The following OR4K2 variants were observed in gnomAD, a reference collection of about 807,000 sequenced individuals.
The protein encoded by OR4K2 is olfactory receptor 4K2.
A neutral mutation model predicts 10.5 loss-of-function variants in OR4K2; 8 were observed. The ratio of observed to expected loss-of-function variants is 0.76; its 90% CI spans 0.45 to 1.37. The LOEUF (loss-of-function observed/expected upper bound fraction) is 1.37. Among genes scored for constraint, OR4K2 ranks in the 40% most tolerant of loss-of-function variants. OR4K2 has a pLI of 0.00. For missense variants in OR4K2, 547 were observed against 379.5 expected, an observed-to-expected ratio of 1.44 and a Z score of -3.67; for synonymous variants, 178 against 133.6, an observed-to-expected ratio of 1.33 and a Z score of -2.29.
rs1365117698 is a variant in OR4K2, at chr14:19,883,326, T to C, written c.*6114T>C. On this transcript the variant is annotated 3_prime_UTR_variant, in exon 2 of 2. Coordinates refer to ENST00000641885, the MANE Select transcript of OR4K2 (RefSeq NM_001005501.2). ...AACCATTTTTGTTGGCTGAAGCTTA[T>C]TCTCTACTATATTCCTCAGGAAGTC... The C allele has an allele frequency of 6.6e-6, 1 of 152,308 alleles. No homozygotes were observed. The highest frequency in any genetic ancestry group is 1.5e-5 in the Non-Finnish European group (1 of 68,072). The allele number at this position is 152,308 out of a possible 1,614,324, so 9.4% of individuals were successfully genotyped here. A position where few individuals can be genotyped will look rare whatever the true frequency, so the allele number is the denominator to read the frequency against.
In OR4K2 at chr14:19,881,272, A is replaced by G. The variant is rs1881029860; in HGVS notation, c.*4060A>G. 1 of 152,274 alleles carries G rather than the reference A, an allele frequency of 6.6e-6. No individual in the cohort carries two copies. Among genetic ancestry groups the G allele is most frequent in the Admixed American group, 6.5e-5 (1 of 15,288 alleles). The allele number at this position is 152,274 out of a possible 1,614,324, so 9.4% of individuals were successfully genotyped here. On this transcript the variant is annotated 3_prime_UTR_variant, in exon 2 of 2. Coordinates refer to ENST00000641885, the MANE Select transcript of OR4K2 (RefSeq NM_001005501.2). ...AGATGCCAATGAAATCCGCTAAGCA[A>G]CTTGATAGTTTTTTGGTTTATAAGT...
rs779047569 is a variant in OR4K2 at position 19,877,007 on chromosome 14, T to A, written c.740T>A (p.Val247Asp). 6 of 1,613,356 alleles carry A rather than the reference T, an allele frequency of 3.7e-6. No homozygotes were observed. Among genetic ancestry groups the A allele is most frequent in the Middle Eastern group, 1.7e-4 (1 of 6,032 alleles). ...ACTTGTACAGCTCATTTCATTGTTG[T>A]CTTCTTGTTCTTTGGGCCATGCATC... ...LSTCTAHFIV[V>D]FLFFGPCIFI... Residue 247 changes from valine (V) to aspartate (D), a missense_variant, in exon 2 of 2, where the codon GTC becomes GAC. Coordinates refer to ENST00000641885, the MANE Select transcript of OR4K2 (RefSeq NM_001005501.2).
rs1330608100 is a variant in OR4K2, at chr14:19,882,820, TTTTTTTTTC to T, written c.*5617_*5625del. On this transcript the variant is annotated 3_prime_UTR_variant, in exon 2 of 2. Coordinates refer to ENST00000641885, the MANE Select transcript of OR4K2 (RefSeq NM_001005501.2). ...CTGTATAATTTATCTTTCTTTTTCT[TTTTTTTTTC>T]TTTTTTTTTTTTTTTTGAGACGGAG... 8.4e-6 allele frequency: 1 copy of T among 119,664 alleles called. No individual in the cohort carries two copies. Among genetic ancestry groups the T allele is most frequent in the African/African-American group, 3.4e-5 (1 of 29,844 alleles). The allele number at this position is 119,664 out of a possible 1,614,324, so 7.4% of individuals were successfully genotyped here. A position where few individuals can be genotyped will look rare whatever the true frequency, so the allele number is the denominator to read the frequency against.
chr14:19,877,013 TG>T lies in OR4K2; in HGVS notation c.747del (p.Leu249PhefsTer14). ...ACAGCTCATTTCATTGTTGTCTTCT[TG>T]TTCTTTGGGCCATGCATCTTCATCT... ...TCTAHFIVVF[L>X]FFGPCIFIYM... On this transcript the variant is annotated frameshift_variant, in exon 2 of 2. Transcript: ENST00000641885. LOFTEE classifies it high-confidence loss of function. 1 of 1,613,864 alleles carries T rather than the reference TG, an allele frequency of 6.2e-7. No individual in the cohort carries two copies. The highest frequency in any genetic ancestry group is 1.1e-5 in the South Asian group (1 of 91,082).
In OR4K2 at chr14:19,878,211, A is replaced by G. The variant is rs1380636185; in HGVS notation, c.*999A>G. 1 of 152,220 alleles carries G rather than the reference A, an allele frequency of 6.6e-6. No individual in the cohort carries two copies. Among genetic ancestry groups the G allele is most frequent in the Non-Finnish European group, 1.5e-5 (1 of 68,014 alleles). The allele number at this position is 152,220 out of a possible 1,614,324, so 9.4% of individuals were successfully genotyped here. A position where few individuals can be genotyped will look rare whatever the true frequency, so the allele number is the denominator to read the frequency against. On this transcript the variant is annotated 3_prime_UTR_variant, in exon 2 of 2. Coordinates refer to ENST00000641885, the MANE Select transcript of OR4K2 (RefSeq NM_001005501.2). ...AGGTTCAATATTAGCTTTAATGTAT[A>G]CAAAGTATTACTACCACCTGCTGGT...
Position 19,877,121 on chromosome 14 carries a change from T to C in OR4K2, c.854T>C (p.Ile285Thr). 6.2e-7 allele frequency: 1 copy of C among 1,606,512 alleles called. No homozygotes were observed. Among genetic ancestry groups the C allele is most frequent in the East Asian group, 2.2e-5 (1 of 44,870 alleles). ...ATCTTTACTCCCACTCTGAACCCAA[T>C]AATCTATACTTTGAGGAATCAAGAA... ...YTIFTPTLNPIIYTLRNQEVK... is the reference protein window; with the variant it reads ...YTIFTPTLNPTIYTLRNQEVK... Residue 285 changes from isoleucine (I) to threonine (T), a missense_variant, in exon 2 of 2, where the codon ATA becomes ACA. By Grantham distance (89) the Ile-to-Thr change is moderately conservative (BLOSUM62 -1). Coordinates refer to ENST00000641885, the MANE Select transcript of OR4K2 (RefSeq NM_001005501.2).
chr14:19,876,555 CT>C lies in OR4K2; in HGVS notation c.289del (p.Cys97AlafsTer61). The stretch of plus-strand genomic sequence containing the variant: ...GTCACAAAACCATCTCTTTTGATGG[CT>C]GCCTTACCCAGATATTCTTTCTCCA... Reference protein sequence around the residue: ...TGHKTISFDGCLTQIFFLHLF... With the variant: ...TGHKTISFDGXLTQIFFLHLF... On this transcript the variant is annotated frameshift_variant, in exon 2 of 2. Coordinates refer to ENST00000641885, the MANE Select transcript of OR4K2 (RefSeq NM_001005501.2). LOFTEE classifies it high-confidence loss of function. 1 of 1,614,206 alleles carries C rather than the reference CT, an allele frequency of 6.2e-7. No individual in the cohort carries two copies. Among genetic ancestry groups the C allele is most frequent in the Middle Eastern group, 1.6e-4 (1 of 6,062 alleles).
Position 19,880,196 on chromosome 14 carries a change from C to G in OR4K2, c.*2984C>G. The G allele has an allele frequency of 6.5e-6, 1 of 152,794 alleles. No individual in the cohort carries two copies. The highest frequency in any genetic ancestry group is 1.9e-4 in the South Asian group (1 of 5,312). 9.5% of individuals were successfully genotyped at this position (152,794 alleles called of 1,614,324 possible). On this transcript the variant is annotated 3_prime_UTR_variant, in exon 2 of 2. Transcript: ENST00000641885. Reference sequence around the variant, plus strand: ...CCTGCATTAAAAGGCTCTGCAGAATCTGAAGTCTAATGTGTAGTTTTAAAA... The same window carrying G: ...CCTGCATTAAAAGGCTCTGCAGAATGTGAAGTCTAATGTGTAGTTTTAAAA...
In OR4K2 at chr14:19,880,304, AC is replaced by A; in HGVS notation, c.*3093del. 6.6e-6 allele frequency: 1 copy of A among 152,340 alleles called. No homozygotes were observed. The highest frequency in any genetic ancestry group is 1.9e-4 in the East Asian group (1 of 5,190). 9.4% of individuals were successfully genotyped at this position (152,340 alleles called of 1,614,324 possible). The stretch of plus-strand genomic sequence containing the variant: ...CTAGTGGTGTAAACTTAAGCTAAGT[AC>A]TTAATACCTCTTAGCCTCAGTTTCT... On this transcript the variant is annotated 3_prime_UTR_variant, in exon 2 of 2. Coordinates refer to ENST00000641885, the MANE Select transcript of OR4K2 (RefSeq NM_001005501.2).
rs765107993 is a variant in OR4K2 at position 19,877,071 on chromosome 14, C to T, written c.804C>T (p.Asp268=). Residue 268 remains aspartate, a synonymous_variant, in exon 2 of 2, where the codon GAC becomes GAT. Coordinates refer to ENST00000641885, the MANE Select transcript of OR4K2 (RefSeq NM_001005501.2). ...GGCCACTAAGCAGCTTTCTCACAGA[C>T]AAGATTCTGTCTGTGTTTTATACCA... The part of the protein sequence containing the change: ...YMWPLSSFLT[D]KILSVFYTIF... 3 of 1,611,762 alleles carry T rather than the reference C, an allele frequency of 1.9e-6. No homozygotes were observed. The highest frequency in any genetic ancestry group is 2.5e-6 in the Non-Finnish European group (3 of 1,179,874).
In OR4K2 at chr14:19,878,462, T is replaced by C. The variant is rs1880964530; in HGVS notation, c.*1250T>C. 1 of 152,170 alleles carries C rather than the reference T, an allele frequency of 6.6e-6. No individual in the cohort carries two copies. The highest frequency in any genetic ancestry group is 1.5e-5 in the Non-Finnish European group (1 of 68,016). The allele number at this position is 152,170 out of a possible 1,614,324, so 9.4% of individuals were successfully genotyped here. A position where few individuals can be genotyped will look rare whatever the true frequency, so the allele number is the denominator to read the frequency against. ...ATAATATCAAGTTGTTATTTTCTGG[T>C]ATGATTGAGTAAATGGAGAAAACAA... On this transcript the variant is annotated 3_prime_UTR_variant, in exon 2 of 2. Coordinates refer to ENST00000641885, the MANE Select transcript of OR4K2 (RefSeq NM_001005501.2).
chr14:19,880,927 G>A lies in OR4K2; in HGVS notation c.*3715G>A, dbSNP rs1224794614. 1.3e-5 allele frequency: 2 copies of A among 152,216 alleles called. No homozygotes were observed. The highest frequency in any genetic ancestry group is 2.9e-5 in the Non-Finnish European group (2 of 68,040). 9.4% of individuals were successfully genotyped at this position (152,216 alleles called of 1,614,324 possible). On this transcript the variant is annotated 3_prime_UTR_variant, in exon 2 of 2. Transcript: ENST00000641885. The stretch of plus-strand genomic sequence containing the variant: ...GAAGTATTTTTCTGCATTGATAAGG[G>A]TTTAGGATAATGTGATCACTGGATT...
rs1488330627 is a variant in OR4K2 at position 19,880,160 on chromosome 14, C to T, written c.*2948C>T. On this transcript the variant is annotated 3_prime_UTR_variant, in exon 2 of 2. Coordinates refer to ENST00000641885, the MANE Select transcript of OR4K2 (RefSeq NM_001005501.2). ...CCAATGTGGCCCAGAGAAGCCAAAA[C>T]TTTGGACACCCCTGCATTAAAAGGC... 3 of 152,996 alleles carry T rather than the reference C, an allele frequency of 2.0e-5. No individual in the cohort carries two copies. Among genetic ancestry groups the T allele is most frequent in the African/African-American group, 4.8e-5 (2 of 41,452 alleles). 9.5% of individuals were successfully genotyped at this position (152,996 alleles called of 1,614,324 possible). A position where few individuals can be genotyped will look rare whatever the true frequency, so the allele number is the denominator to read the frequency against.
In OR4K2 at chr14:19,881,656, T is replaced by G. The variant is rs571260817; in HGVS notation, c.*4444T>G. The G allele has an allele frequency of 2.0e-5, 3 of 152,108 alleles. No individual in the cohort carries two copies. The highest frequency in any genetic ancestry group is 4.8e-5 in the African/African-American group (2 of 41,418). The allele number at this position is 152,108 out of a possible 1,614,324, so 9.4% of individuals were successfully genotyped here. A position where few individuals can be genotyped will look rare whatever the true frequency, so the allele number is the denominator to read the frequency against. Reference sequence around the variant, plus strand: ...TCTCGGGCTGGAGGCTCCAGGTTTTTTTCCCCCATTAGCCTTTTTATGACT... The same window carrying G: ...TCTCGGGCTGGAGGCTCCAGGTTTTGTTCCCCCATTAGCCTTTTTATGACT... On this transcript the variant is annotated 3_prime_UTR_variant, in exon 2 of 2. Transcript: ENST00000641885.
chr14:19,876,228 T>A lies in OR4K2; in HGVS notation c.-23-17T>A, dbSNP rs1880889788. The A allele has an allele frequency of 3.6e-6, 4 of 1,123,332 alleles. No individual in the cohort carries two copies. The highest frequency in any genetic ancestry group is 3.6e-6 in the Non-Finnish European group (3 of 833,504). 69.6% of individuals were successfully genotyped at this position (1,123,332 alleles called of 1,614,324 possible). On this transcript the variant is annotated splice_polypyrimidine_tract_variant and intron_variant, in intron 1 of 1. Coordinates refer to ENST00000641885, the MANE Select transcript of OR4K2 (RefSeq NM_001005501.2). Reference sequence around the variant, plus strand: ...ATCTGACTTTCCTTTTTTTTTTTTTTTTTTTTCGTGATACAGGCTTCTGCC... The same window carrying A: ...ATCTGACTTTCCTTTTTTTTTTTTTATTTTTTCGTGATACAGGCTTCTGCC...
rs1236945650 is a variant in OR4K2, at chr14:19,881,895, A to T, written c.*4683A>T. 6.6e-6 allele frequency: 1 copy of T among 151,860 alleles called. No individual in the cohort carries two copies. The highest frequency in any genetic ancestry group is 1.5e-5 in the Non-Finnish European group (1 of 67,972). 9.4% of individuals were successfully genotyped at this position (151,860 alleles called of 1,614,324 possible). Reference sequence around the variant, plus strand: ...TTTATATAATAATATATTTATATCAATTTTTTCTTCTTGTTTGAGTGTACT... The same window carrying T: ...TTTATATAATAATATATTTATATCATTTTTTTCTTCTTGTTTGAGTGTACT... On this transcript the variant is annotated 3_prime_UTR_variant, in exon 2 of 2. Transcript: ENST00000641885.
chr14:19,881,049 T>C lies in OR4K2; in HGVS notation c.*3837T>C, dbSNP rs1407583399. ...TCAAATTTAAAAAACTACCAGTGAATCTATTCTCTACATGTGAGTTTTTAA... is the reference window on the plus strand; with the variant it reads ...TCAAATTTAAAAAACTACCAGTGAACCTATTCTCTACATGTGAGTTTTTAA... On this transcript the variant is annotated 3_prime_UTR_variant, in exon 2 of 2. Coordinates refer to ENST00000641885, the MANE Select transcript of OR4K2 (RefSeq NM_001005501.2). 1 of 152,224 alleles carries C rather than the reference T, an allele frequency of 6.6e-6. No individual in the cohort carries two copies. The highest frequency in any genetic ancestry group is 1.5e-5 in the Non-Finnish European group (1 of 68,038). 9.4% of individuals were successfully genotyped at this position (152,224 alleles called of 1,614,324 possible).
chr14:19,883,595 T>A lies in OR4K2; in HGVS notation c.*6383T>A, dbSNP rs1881091031. 6.6e-6 allele frequency: 1 copy of A among 152,236 alleles called. No homozygotes were observed. Among genetic ancestry groups the A allele is most frequent in the Non-Finnish European group, 1.5e-5 (1 of 68,046 alleles). 9.4% of individuals were successfully genotyped at this position (152,236 alleles called of 1,614,324 possible). A position where few individuals can be genotyped will look rare whatever the true frequency, so the allele number is the denominator to read the frequency against. ...AATTTTTGGAGGGAGGTATTAATAA[T>A]CCTTCTGATATTTATATTAGTAGTT... On this transcript the variant is annotated 3_prime_UTR_variant, in exon 2 of 2. Transcript: ENST00000641885.
rs1881097256 is a variant in OR4K2 at position 19,883,866 on chromosome 14, A to G, written c.*6654A>G. ...AAAATAAATTTGAATCCCTGTTTGTACCTGGAGACCGTTTTGATCTGCCCT... is the reference window on the plus strand; with the variant it reads ...AAAATAAATTTGAATCCCTGTTTGTGCCTGGAGACCGTTTTGATCTGCCCT... On this transcript the variant is annotated 3_prime_UTR_variant, in exon 2 of 2. Transcript: ENST00000641885. 1 of 152,258 alleles carries G rather than the reference A, an allele frequency of 6.6e-6. No individual in the cohort carries two copies. Among genetic ancestry groups the G allele is most frequent in the Non-Finnish European group, 1.5e-5 (1 of 68,044 alleles). 9.4% of individuals were successfully genotyped at this position (152,258 alleles called of 1,614,324 possible).
Sources: gnomAD v4.1 joint callset for allele counts on GRCh38, gnomAD v4.1.1 for gene constraint, MANE v1.5 for transcripts, NCBI Gene and HGNC (gene_info 2026-07-23, HGNC 2026-07-21) for gene names.